APC: variants seen among roughly 807,000 people sequenced by gnomAD.
APC encodes APC regulator of Wnt signaling pathway.
APC carries 72 observed loss-of-function variants against 247.0 expected under a neutral mutation model. The observed-to-expected ratio is 0.29, with a 90% CI of 0.24 to 0.35. APC has a LOEUF of 0.35. Among genes scored for constraint, APC ranks in the 10% least tolerant of loss-of-function variants. APC has a pLI of 1.00. For synonymous variants in APC, 1,254 were observed against 1,162.5 expected, an observed-to-expected ratio of 1.08 and a Z score of -1.60; for missense variants, 3,400 against 3,360.7, an observed-to-expected ratio of 1.01 and a Z score of -0.29.
At chr5:112,813,765 A>G (rs1229997635) in intron 8 of APC, among the ~76,000 whole-genome samples, 1 of 151,446 alleles carries the variant, frequency 6.6e-6, no homozygotes, top group Non-Finnish European at 1.5e-5. Flanking sequence ...AAAAAAAAAA[A>G]GAAAAAAGAA....
chr5:112,734,702 T>G (rs1752277783), upstream of APC, among the ~76,000 whole-genome samples: 1 of 152,178 alleles, frequency 6.6e-6, no homozygotes, highest in Non-Finnish European at 1.5e-5. Context: ...AATATTCTTC[T>G]TGTCAGTTTT....
At chr5:112,836,183 A>ACCC (rs1764921816) in intron 15 of APC, among the ~76,000 whole-genome samples, 1 of 32,952 alleles carries the variant, frequency 3.0e-5, no homozygotes, top group Non-Finnish European at 6.0e-5. Flanking sequence ...CCCCCCCGCC[A>ACCC]CCGTGCCCGG....
chr5:112,802,779 G>A (rs1305178568), intron 8 of APC, among the ~76,000 whole-genome samples: 2 of 152,006 alleles, frequency 1.3e-5, no homozygotes, highest in Non-Finnish European at 2.9e-5. Context: ...AGTATGCCAG[G>A]AAATCATAGC....
At chr5:112,748,075 A>G (rs1447409035) in intron 1 of APC, among the ~76,000 whole-genome samples, 1 of 152,198 alleles carries the variant, frequency 6.6e-6, no homozygotes. Context: ...AATATTTATT[A>G]TCTGGCCCTT....
intron 7 of APC, among the ~76,000 whole-genome samples, chr5:112,794,025 C>T (rs1281697238): frequency 1.5e-5 from 2 of 137,364 alleles, no homozygotes; most frequent in East Asian, 4.6e-4. Flanking sequence ...TTTTAAGAGA[C>T]GTGGAACTAA....
At chr5:112,824,900 C>T (rs1253182907) in intron 11 of APC, among the ~76,000 whole-genome samples, 1 of 152,012 alleles carries the variant, frequency 6.6e-6, no homozygotes, top group Non-Finnish European at 1.5e-5. Context: ...TCTCTCTATG[C>T]TTCTGTTATA....
At chr5:112,836,015 T>C in intron 15 of APC, among the ~76,000 whole-genome samples, 2 of 42,604 alleles carry the variant, frequency 4.7e-5, no homozygotes, top group African/African-American at 5.7e-5. Context: ...CTGTCTTTTT[T>C]TTTTTTTTTT....
intron 8 of APC, among the ~76,000 whole-genome samples, chr5:112,801,887 A>G (rs1356521838): frequency 1.3e-5 from 2 of 152,112 alleles, no homozygotes; most frequent in African/African-American, 4.8e-5. Context: ...TGGCCTAATT[A>G]TGCTTAATAT....
chr5:112,722,982 T>C (rs970422685), intron 1 of APC, among the ~76,000 whole-genome samples: 1 of 152,108 alleles, frequency 6.6e-6, no homozygotes, highest in Non-Finnish European at 1.5e-5. Flanking sequence ...TTGGCCTCTC[T>C]GTGTAGCATT....
intron 1 of APC, among the ~76,000 whole-genome samples, chr5:112,708,046 GC>G (rs1334015795): frequency 6.6e-6 from 1 of 152,086 alleles, no homozygotes; most frequent in Non-Finnish European, 1.5e-5. Context: ...CCTCCAGTTG[GC>G]CCCTGGCTTT....
intron 4 of APC, among the ~76,000 whole-genome samples, chr5:112,769,050 CTTTTT>C (rs11379766): frequency 3.1e-5 from 3 of 96,824 alleles, no homozygotes; most frequent in Non-Finnish European, 5.8e-5. Flanking sequence ...TTTTTTTCTT[CTTTTT>C]TTTTTTTTTT....
chr5:112,759,510 A>T (rs1755414785), intron 2 of APC, among the ~76,000 whole-genome samples: 1 of 151,660 alleles, frequency 6.6e-6, no homozygotes, highest in Non-Finnish European at 1.5e-5. Flanking sequence ...GGCGTGCACC[A>T]CCACGCCCAG....
At chr5:112,759,106 T>A (rs1348909576) in intron 2 of APC, among the ~76,000 whole-genome samples, 1 of 152,186 alleles carries the variant, frequency 6.6e-6, no homozygotes, top group Non-Finnish European at 1.5e-5. Context: ...AATATACATG[T>A]AAAGTATATC....
chr5:112,840,114 G>C lies in APC; in HGVS notation c.4520G>C (p.Ser1507Thr), dbSNP rs1427083768. Reference protein sequence around the residue: ...PDGFSCSSSLSALSLDEPFIQ... With the variant: ...PDGFSCSSSLTALSLDEPFIQ... ...GGATTTTCTTGTTCATCCAGCCTGA[G>C]TGCTCTGAGCCTCGATGAGCCATTT... The change falls in exon 16 of 16, where the codon AGT (serine) becomes ACT (threonine). Residue 1507 changes from serine to threonine, a missense_variant. By Grantham distance (58) the Ser-to-Thr change is moderately conservative. This residue lies in a region of APC where 1,788 missense variants were observed against 1,649.5 expected (regional missense o/e 1.08). Coordinates refer to ENST00000257430, the MANE Select transcript of APC (RefSeq NM_000038.6). The surrounding 1 kb of genome is among the most constrained non-coding windows in gnomAD (Gnocchi z 4.1). The C allele has an allele frequency of 5.0e-6, 8 of 1,614,020 alleles. No homozygotes were observed. The South Asian group carries it at 7.7e-5, about 16-fold the overall frequency.
chr5:112,768,400 T>G (rs2149793131), intron 4 of APC, among the ~76,000 whole-genome samples: 1 of 151,842 alleles, frequency 6.6e-6, no homozygotes, highest in African/African-American at 2.4e-5. Context: ...AACTGGATTT[T>G]TATTGAATTT....
At chr5:112,808,569 G>A (rs1014942606) in intron 8 of APC, among the ~76,000 whole-genome samples, 1 of 152,052 alleles carries the variant, frequency 6.6e-6, no homozygotes, top group African/African-American at 2.4e-5. Flanking sequence ...CGAGTAGCTG[G>A]TGCTATAGGC....
At chr5:112,830,045 A>G (rs552239319) in intron 14 of APC, 3 of 152,128 alleles carry the variant, frequency 2.0e-5, no homozygotes, top group East Asian at 1.9e-4. Context: ...CCCACAGCCT[A>G]CATGTTCTTC....
intron 11 of APC, chr5:112,823,390 G>GT (rs1483892089): frequency 6.5e-6 from 1 of 152,694 alleles, no homozygotes; most frequent in Non-Finnish European, 1.5e-5. Flanking sequence ...CTCTGGGGGT[G>GT]TGACTGCTGG....
intron 2 of APC, among the ~76,000 whole-genome samples, chr5:112,760,173 A>G (rs1310494429): frequency 6.6e-6 from 1 of 152,150 alleles, no homozygotes; most frequent in Non-Finnish European, 1.5e-5. Context: ...ACTGGGAGAA[A>G]GAAACTCTTG....
Sources: allele counts gnomAD v4.1 joint callset (sites outside exome capture counted in the v4.1 genomes callset), GRCh38; gene constraint gnomAD v4.1.1; regional missense constraint gnomAD v4.1.1; non-coding constraint Gnocchi (gnomAD v3.1); transcripts MANE v1.5; gene names NCBI Gene and HGNC (gene_info 2026-07-23, HGNC 2026-07-21).